RAB30: variants seen among roughly 807,000 people sequenced by gnomAD.
RAB30 encodes RAB30, member RAS oncogene family.
In RAB30, 9 loss-of-function variants were observed where a neutral mutation model predicts 25.1. That is an observed-to-expected ratio of 0.36 (90% CI 0.22 to 0.63). The LOEUF is 0.63. RAB30 is among the 20% of genes least tolerant of loss of function. The pLI is 0.69. For missense variants in RAB30, 140 were observed against 243.5 expected (o/e 0.58, Z 2.83); for synonymous variants, 77 against 86.4 (o/e 0.89, Z 0.60).
At chr11:83,059,459 A>G (rs756448487) in intron 1 of RAB30, among the ~76,000 whole-genome samples, 2 of 152,152 alleles carry the variant, frequency 1.3e-5, no homozygotes, top group African/African-American at 2.4e-5. Flanking sequence ...CTACTGATAC[A>G]CATTTAAGGT....
At chr11:83,001,017 C>A (rs1326467980) in intron 1 of RAB30, among the ~76,000 whole-genome samples, 8 of 135,258 alleles carry the variant, frequency 5.9e-5, no homozygotes, top group Non-Finnish European at 1.1e-4. Context: ...ACAGCACTCC[C>A]GCCTGGGCGA....
chr11:83,043,775 A>G (rs1858179730), intron 1 of RAB30, among the ~76,000 whole-genome samples: 2 of 152,170 alleles, frequency 1.3e-5, no homozygotes, highest in African/African-American at 4.8e-5. Flanking sequence ...AAAATAAAAA[A>G]TTAGATAGAA....
intron 1 of RAB30, among the ~76,000 whole-genome samples, chr11:83,013,821 G>A (rs922123682): frequency 6.6e-6 from 1 of 152,134 alleles, no homozygotes; most frequent in African/African-American, 2.4e-5. Flanking sequence ...TCTACAATAA[G>A]CCAGATACTT....
chr11:83,061,889 G>T (rs145257160), intron 1 of RAB30, among the ~76,000 whole-genome samples: 3,262 of 151,326 alleles, frequency 0.022, 62 homozygotes, highest in Middle Eastern at 0.031. Flanking sequence ...GAAAGGTTTC[G>T]AATTAAGTTG....
rs1056462091 is a variant in RAB30, at chr11:82,993,174, T to A, written c.177+865A>T. On this transcript the variant is annotated intron_variant, in intron 3 of 4. Transcript: ENST00000527633. ...TCTTTCCATCACCTTCCTCCTTTCC[T>A]TGCTCCAGGTGATAGGCCTAGTGTG... Among the ~76,000 whole-genome samples, 4 of 152,222 alleles carry A rather than the reference T, an allele frequency of 2.6e-5. 1 individual carries two copies. Among genetic ancestry groups the A allele is most frequent in the Admixed American group, 2.6e-4 (4 of 15,282 alleles).
intron 1 of RAB30, among the ~76,000 whole-genome samples, chr11:83,000,991 G>A (rs980759311): frequency 1.4e-5 from 2 of 138,554 alleles, no homozygotes; most frequent in African/African-American, 5.4e-5. Context: ...AGCTTGCAGT[G>A]AGCTGAGATC....
At chr11:82,992,934 T>C (rs886872081) in intron 3 of RAB30, among the ~76,000 whole-genome samples, 3 of 152,170 alleles carry the variant, frequency 2.0e-5, no homozygotes, top group South Asian at 2.1e-4. Context: ...TTTGAAGACA[T>C]GGAGTCTCGC....
intron 1 of RAB30, among the ~76,000 whole-genome samples, chr11:83,016,991 T>C (rs1857453108): frequency 6.6e-6 from 1 of 152,112 alleles, no homozygotes; most frequent in Middle Eastern, 3.4e-3. Context: ...CATGGAAAAA[T>C]CACAGTGCAA....
intron 1 of RAB30, among the ~76,000 whole-genome samples, chr11:83,010,755 T>C (rs1857285567): frequency 6.6e-6 from 1 of 152,170 alleles, no homozygotes; most frequent in Admixed American, 6.5e-5. Context: ...GAATTCACTT[T>C]AGGGAAATAA....
chr11:83,052,021 C>T (rs1858369144), intron 1 of RAB30, among the ~76,000 whole-genome samples: 1 of 152,118 alleles, frequency 6.6e-6, no homozygotes, highest in African/African-American at 2.4e-5. Context: ...AATGAGATTA[C>T]AAAAATAAAC....
At chr11:83,058,559 T>G (rs541142130) in intron 1 of RAB30, among the ~76,000 whole-genome samples, 1 of 152,356 alleles carries the variant, frequency 6.6e-6, no homozygotes, top group South Asian at 2.1e-4. Context: ...TTAGATCAGG[T>G]TCTGTATCTT....
chr11:83,026,221 C>T (rs1857708703), intron 1 of RAB30, among the ~76,000 whole-genome samples: 1 of 152,036 alleles, frequency 6.6e-6, no homozygotes, highest in African/African-American at 2.4e-5. Flanking sequence ...GATACACATA[C>T]ACACATACAT....
chr11:82,999,477 A>G (rs921821156), intron 1 of RAB30, among the ~76,000 whole-genome samples: 4 of 152,210 alleles, frequency 2.6e-5, no homozygotes, highest in African/African-American at 9.7e-5. Context: ...GTGATGCATG[A>G]AAGAATGAAT....
chr11:83,017,814 A>G (rs946721262), intron 1 of RAB30, among the ~76,000 whole-genome samples: 1 of 152,136 alleles, frequency 6.6e-6, no homozygotes, highest in South Asian at 2.1e-4. Context: ...TGTTTTTACA[A>G]GTGTGAATTG....
intron 1 of RAB30, among the ~76,000 whole-genome samples, chr11:83,056,245 TA>T (rs1249473599): frequency 6.6e-6 from 1 of 152,228 alleles, no homozygotes; most frequent in Non-Finnish European, 1.5e-5. Flanking sequence ...CTGACTACTC[TA>T]AATATCTCAT....
chr11:82,988,267 G>A (rs1477695203), intron 3 of RAB30, among the ~76,000 whole-genome samples: 2 of 152,266 alleles, frequency 1.3e-5, no homozygotes, highest in African/African-American at 2.4e-5. Context: ...ACCAGGCATT[G>A]TGGTCCCAGA....
intron 1 of RAB30, chr11:83,039,062 T>A (rs1308865860): frequency 6.6e-6 from 1 of 152,136 alleles, no homozygotes; most frequent in Non-Finnish European, 1.5e-5. Context: ...AAAAACAAAC[T>A]TCGACAAAGT....
chr11:83,044,887 G>T (rs1275613369), intron 1 of RAB30, among the ~76,000 whole-genome samples: 1 of 152,120 alleles, frequency 6.6e-6, no homozygotes, highest in African/African-American at 2.4e-5. Flanking sequence ...CATACAGAGA[G>T]AATCTTCCAG....
At chr11:83,042,306 A>G (rs1016717823) in intron 1 of RAB30, among the ~76,000 whole-genome samples, 98 of 152,188 alleles carry the variant, frequency 6.4e-4, no homozygotes, top group African/African-American at 2.3e-3. Context: ...TAATCCTAGC[A>G]CTTTGGGAGG....
Sources: gnomAD v4.1 joint callset for allele counts (sites outside exome capture counted in the v4.1 genomes callset) on GRCh38, gnomAD v4.1.1 for gene constraint, MANE v1.5 for transcripts, NCBI Gene and HGNC (gene_info 2026-07-23, HGNC 2026-07-21) for gene names.